The following FUT8 variants were observed in gnomAD, a reference collection of about 807,000 sequenced individuals.
The protein encoded by FUT8 is fucosyltransferase 8.
Under a neutral mutation model 71.3 loss-of-function variants are expected in FUT8, and 29 were observed. That is an observed-to-expected ratio of 0.41 (90% CI 0.30 to 0.55). The LOEUF (loss-of-function observed/expected upper bound fraction) is 0.55, where lower values mean the gene tolerates loss of function less well. FUT8 is among the 20% of genes least tolerant of loss of function. FUT8 has a pLI of 0.34. For missense variants in FUT8, 544 were observed against 702.1 expected (o/e 0.77, Z 2.55); for synonymous variants, 254 against 239.3 (o/e 1.06, Z -0.57).
chr14:65,383,192 A>C, the FUT8 span, among the ~76,000 whole-genome samples: 3 of 150,796 alleles, frequency 2.0e-5, no homozygotes, highest in African/African-American at 7.3e-5. Context: ...GCTAGTAGAG[A>C]GATCTTTCTG....
the FUT8 span, among the ~76,000 whole-genome samples, chr14:65,379,308 T>C: frequency 2.0e-5 from 3 of 151,894 alleles, no homozygotes; most frequent in South Asian, 6.2e-4. Context: ...GGCGAGCAGA[T>C]CACTTGAGGT....
the FUT8 span, among the ~76,000 whole-genome samples, chr14:65,402,448 C>T: frequency 2.7e-5 from 4 of 150,876 alleles, no homozygotes; most frequent in Non-Finnish European, 5.9e-5. Flanking sequence ...GCGGGTGGAT[C>T]ACAAGGTCAG....
the FUT8 span, among the ~76,000 whole-genome samples, chr14:65,381,794 T>G: frequency 6.6e-6 from 1 of 152,022 alleles, no homozygotes; most frequent in East Asian, 1.9e-4. Flanking sequence ...CTTCGTTCTC[T>G]CTTCTTTATC....
intron 2 of FUT8, among the ~76,000 whole-genome samples, chr14:65,547,864 A>G (rs1272819993): frequency 6.6e-6 from 1 of 151,964 alleles, no homozygotes; most frequent in Non-Finnish European, 1.5e-5. Flanking sequence ...AATTAACAGT[A>G]GTGAAATACT....
chr14:65,693,245 C>T (rs1882189090), intron 7 of FUT8, among the ~76,000 whole-genome samples: 1 of 152,262 alleles, frequency 6.6e-6, no homozygotes, highest in South Asian at 2.1e-4. Flanking sequence ...GAGACTCCGT[C>T]TGCAATCCAG....
intron 7 of FUT8, among the ~76,000 whole-genome samples, chr14:65,694,829 T>C (rs954600783): frequency 8.9e-5 from 12 of 134,594 alleles, no homozygotes; most frequent in African/African-American, 3.4e-4. Context: ...CACTTATAGG[T>C]GGGAATTGAA....
intron 3 of FUT8, among the ~76,000 whole-genome samples, chr14:65,570,864 G>A (rs941289851): frequency 2.6e-5 from 4 of 152,150 alleles, no homozygotes; most frequent in East Asian, 1.9e-4. Flanking sequence ...AGGAGTATGC[G>A]CCTGTAACAA....
At chr14:65,460,912 C>A (rs946658461) in intron 2 of FUT8, among the ~76,000 whole-genome samples, 2 of 152,148 alleles carry the variant, frequency 1.3e-5, no homozygotes, top group Non-Finnish European at 2.9e-5. Flanking sequence ...AATGAACAAT[C>A]ACATTATATT....
intron 6 of FUT8, among the ~76,000 whole-genome samples, chr14:65,661,767 T>G (rs1891976416): frequency 6.6e-6 from 1 of 152,236 alleles, no homozygotes; most frequent in Non-Finnish European, 1.5e-5. Flanking sequence ...GCCTAAGTAG[T>G]AGAAGAACGC....
intron 1 of FUT8, among the ~76,000 whole-genome samples, chr14:65,433,192 C>T (rs1412050966): frequency 2.6e-5 from 4 of 152,212 alleles, no homozygotes; most frequent in Non-Finnish European, 5.9e-5. Context: ...TTATCTCATT[C>T]ATCTGCTTTT....
At chr14:65,407,934 T>TC (rs1193239126), upstream of FUT8, among the ~76,000 whole-genome samples, 1 of 152,124 alleles carries the variant, frequency 6.6e-6, no homozygotes, top group Non-Finnish European at 1.5e-5. Context: ...GAGAACTCCT[T>TC]CCCCCAGATA....
chr14:65,572,452 A>T (rs1273005783), intron 3 of FUT8, among the ~76,000 whole-genome samples: 1 of 152,218 alleles, frequency 6.6e-6, no homozygotes, highest in African/African-American at 2.4e-5. Flanking sequence ...AATGTATACA[A>T]CTGTGAGTGA....
intron 3 of FUT8, among the ~76,000 whole-genome samples, chr14:65,599,866 A>G (rs1023465268): frequency 6.6e-6 from 1 of 152,200 alleles, no homozygotes; most frequent in Non-Finnish European, 1.5e-5. Context: ...CGTTAATTTT[A>G]TTAGGTCTGC....
chr14:65,397,976 C>A, the FUT8 span, among the ~76,000 whole-genome samples: 12 of 152,224 alleles, frequency 7.9e-5, no homozygotes, highest in African/African-American at 2.9e-4. This position sits in a 1 kb window ranked among gnomAD's most constrained non-coding sequence, Gnocchi z 4.2. Flanking sequence ...CCTATTGATG[C>A]CTTAAGTAAG....
chr14:65,428,205 C>T (rs1308027413), intron 1 of FUT8, among the ~76,000 whole-genome samples: 1 of 152,192 alleles, frequency 6.6e-6, no homozygotes, highest in Non-Finnish European at 1.5e-5. Context: ...ATTAACTCTT[C>T]CTCTTAAATG....
At chr14:65,602,386 C>G (rs1020036303) in intron 3 of FUT8, among the ~76,000 whole-genome samples, 3 of 134,088 alleles carry the variant, frequency 2.2e-5, no homozygotes, top group Non-Finnish European at 4.8e-5. Flanking sequence ...CACACACACA[C>G]ACACACACAC....
chr14:65,714,288 T>C (rs927605338), intron 7 of FUT8, among the ~76,000 whole-genome samples: 1 of 152,174 alleles, frequency 6.6e-6, no homozygotes, highest in African/African-American at 2.4e-5. Context: ...GTTTTTATGC[T>C]AGTGCCATGC....
chr14:65,487,558 C>T (rs2066426543), intron 2 of FUT8, among the ~76,000 whole-genome samples: 1 of 141,354 alleles, frequency 7.1e-6, no homozygotes, highest in Admixed American at 6.9e-5. Flanking sequence ...GAGTGAGACT[C>T]CGTCTCAAAA....
chr14:65,590,174 T>C (rs1240010328), intron 3 of FUT8, among the ~76,000 whole-genome samples: 1 of 152,198 alleles, frequency 6.6e-6, no homozygotes, highest in East Asian at 1.9e-4. Context: ...TTTTTCTTCA[T>C]AACCTTGCAC....
Sources: allele counts gnomAD v4.1 joint callset (sites outside exome capture counted in the v4.1 genomes callset), GRCh38; gene constraint gnomAD v4.1.1; non-coding constraint Gnocchi (gnomAD v3.1); transcripts MANE v1.5; gene names NCBI Gene and HGNC (gene_info 2026-07-23, HGNC 2026-07-21).